Variants in MARCHF1 observed in about 807,000 individuals in gnomAD.
MARCHF1 encodes E3 ubiquitin-protein ligase MARCHF1.
Under a neutral mutation model 54.2 loss-of-function variants are expected in MARCHF1, and 40 were observed. The ratio of observed to expected loss-of-function variants is 0.74; its 90% CI spans 0.57 to 0.96. The LOEUF (loss-of-function observed/expected upper bound fraction) is 0.96. MARCHF1 is among the 40% of genes least tolerant of loss of function. The pLI is 0.00. For synonymous variants in MARCHF1, 236 were observed against 236.3 expected (o/e 1.00, Z 0.01); for missense variants, 586 against 656.5 (o/e 0.89, Z 1.17).
intron 2 of MARCHF1, among the ~76,000 whole-genome samples, chr4:163,996,899 T>C (rs922567692): frequency 6.6e-6 from 1 of 152,048 alleles, no homozygotes; most frequent in African/African-American, 2.4e-5. Flanking sequence ...AGAGTGAGCA[T>C]GGCTATATCA....
At chr4:164,240,181 T>C (rs1732696954) in intron 1 of MARCHF1, among the ~76,000 whole-genome samples, 1 of 152,218 alleles carries the variant, frequency 6.6e-6, no homozygotes, top group Admixed American at 6.5e-5. Flanking sequence ...AATGTTCCTT[T>C]ACTCTTGTTT....
chr4:163,897,327 C>A (rs1253799576), intron 3 of MARCHF1, among the ~76,000 whole-genome samples: 1 of 152,068 alleles, frequency 6.6e-6, no homozygotes, highest in Non-Finnish European at 1.5e-5. Flanking sequence ...ATATTCTCAC[C>A]CCTATCTCTG....
At chr4:163,774,053 T>A (rs760796845) in intron 4 of MARCHF1, among the ~76,000 whole-genome samples, 6 of 152,130 alleles carry the variant, frequency 3.9e-5, no homozygotes, top group Non-Finnish European at 4.4e-5. Flanking sequence ...CCTGTATCTG[T>A]GGGGGATTGG....
At chr4:164,318,456 A>G (rs1735057889) in intron 1 of MARCHF1, among the ~76,000 whole-genome samples, 3 of 152,338 alleles carry the variant, frequency 2.0e-5, no homozygotes, top group Admixed American at 1.3e-4. Flanking sequence ...AGTGAAAGTT[A>G]TTGACTATAA....
At chr4:163,616,306 G>T (rs1741507832) in intron 5 of MARCHF1, among the ~76,000 whole-genome samples, 1 of 152,082 alleles carries the variant, frequency 6.6e-6, no homozygotes, top group Non-Finnish European at 1.5e-5. Flanking sequence ...AATCAACGTA[G>T]TGAAGAGACA....
chr4:163,646,056 GA>G (rs1436081643), intron 5 of MARCHF1, among the ~76,000 whole-genome samples: 1 of 152,114 alleles, frequency 6.6e-6, no homozygotes, highest in Non-Finnish European at 1.5e-5. Flanking sequence ...TCAATCCAAA[GA>G]AAAATACTCT....
chr4:164,357,060 A>G (rs1454937128), intron 1 of MARCHF1, among the ~76,000 whole-genome samples: 1 of 151,854 alleles, frequency 6.6e-6, no homozygotes, highest in African/African-American at 2.4e-5. Context: ...ACAAACCCCC[A>G]CAAGTTTACC....
chr4:164,032,146 G>T (rs1469163328), intron 2 of MARCHF1, among the ~76,000 whole-genome samples: 1 of 152,112 alleles, frequency 6.6e-6, no homozygotes, highest in African/African-American at 2.4e-5. Context: ...TTCTCTGATG[G>T]TAGTTTGTAT....
intron 3 of MARCHF1, among the ~76,000 whole-genome samples, chr4:163,870,188 A>G (rs1750140590): frequency 6.6e-6 from 1 of 152,148 alleles, no homozygotes; most frequent in Non-Finnish European, 1.5e-5. Context: ...GACTCATAAT[A>G]GAAAAATTAT....
chr4:163,623,553 G>A (rs897039132), intron 5 of MARCHF1, among the ~76,000 whole-genome samples: 2 of 152,256 alleles, frequency 1.3e-5, no homozygotes, highest in African/African-American at 4.8e-5. Flanking sequence ...AACACCTCTA[G>A]GGACAACTCT....
intron 2 of MARCHF1, among the ~76,000 whole-genome samples, chr4:164,040,738 C>A (rs1488994135): frequency 6.6e-6 from 1 of 151,856 alleles, no homozygotes; most frequent in Non-Finnish European, 1.5e-5. Context: ...TCAACACCAG[C>A]AAATGTTTGT....
At chr4:164,123,395 T>C (rs1171424932) in intron 1 of MARCHF1, among the ~76,000 whole-genome samples, 2 of 152,064 alleles carry the variant, frequency 1.3e-5, no homozygotes, top group Non-Finnish European at 2.9e-5. Flanking sequence ...AAGCAATCTA[T>C]AGATTCAATG....
chr4:164,322,993 G>A (rs1373438852), intron 1 of MARCHF1, among the ~76,000 whole-genome samples: 1 of 151,806 alleles, frequency 6.6e-6, no homozygotes, highest in Non-Finnish European at 1.5e-5. Flanking sequence ...AATTATAAAT[G>A]GCTGTCAAAG....
At chr4:164,106,672 C>G (rs551356389) in intron 2 of MARCHF1, among the ~76,000 whole-genome samples, 1 of 147,232 alleles carries the variant, frequency 6.8e-6, no homozygotes, top group African/African-American at 2.6e-5. Context: ...TGCTAGATGA[C>G]GAGTTAGTGG....
chr4:164,211,357 C>CTATATATATATATAT (rs1560956008), intron 1 of MARCHF1, among the ~76,000 whole-genome samples: 2 of 100,084 alleles, frequency 2.0e-5, no homozygotes, highest in Non-Finnish European at 2.5e-5. Context: ...ATATATATAC[C>CTATATATATATATAT]ACATTGCAAC....
chr4:163,885,900 G>A (rs921344465), intron 3 of MARCHF1, among the ~76,000 whole-genome samples: 6 of 149,002 alleles, frequency 4.0e-5, no homozygotes, highest in East Asian at 2.0e-4. Flanking sequence ...AATGAGACCC[G>A]TCTCTAATAT....
intron 4 of MARCHF1, among the ~76,000 whole-genome samples, chr4:163,732,672 C>T (rs1049803770): frequency 2.0e-5 from 3 of 152,126 alleles, no homozygotes; most frequent in Non-Finnish European, 2.9e-5. Context: ...CAGCAGACTT[C>T]TCATTGGAAA....
chr4:163,870,599 T>A (rs1277143607), intron 3 of MARCHF1, among the ~76,000 whole-genome samples: 4 of 152,124 alleles, frequency 2.6e-5, no homozygotes, highest in African/African-American at 9.7e-5. Context: ...TCAGGGAAAC[T>A]GTCAGTCTAG....
intron 5 of MARCHF1, among the ~76,000 whole-genome samples, chr4:163,673,378 C>T (rs970785124): frequency 2.6e-5 from 4 of 152,132 alleles, no homozygotes; most frequent in African/African-American, 9.7e-5. Context: ...TTTGGAATCT[C>T]CAGACCTTTT....
Sources: gnomAD v4.1 joint callset for allele counts (sites outside exome capture counted in the v4.1 genomes callset) on GRCh38, gnomAD v4.1.1 for gene constraint, MANE v1.5 for transcripts, NCBI Gene and HGNC (gene_info 2026-07-23, HGNC 2026-07-21) for gene names.